The following DIPK1A variants were observed in gnomAD, a reference collection of about 807,000 sequenced individuals.
The protein encoded by DIPK1A is family with sequence similarity 69 member A.
In DIPK1A, 27 loss-of-function variants were observed where a neutral mutation model predicts 40.8. The ratio of observed to expected loss-of-function variants is 0.66; its 90% CI spans 0.49 to 0.91. The LOEUF (loss-of-function observed/expected upper bound fraction) is 0.91, where lower values mean the gene tolerates loss of function less well. DIPK1A is among the 40% of genes least tolerant of loss of function. DIPK1A has a pLI of 0.00. For synonymous variants in DIPK1A, 166 were observed against 171.3 expected (o/e 0.97, Z 0.24); for missense variants, 412 against 505.7 (o/e 0.81, Z 1.78).
At chr1:92,952,638 C>T (rs1651677857) in intron 1 of DIPK1A, among the ~76,000 whole-genome samples, 1 of 152,092 alleles carries the variant, frequency 6.6e-6, no homozygotes, top group South Asian at 2.1e-4. Flanking sequence ...AAAAACACTA[C>T]AGTTTATATT....
At chr1:92,926,793 T>C (rs908414742) in intron 1 of DIPK1A, among the ~76,000 whole-genome samples, 13 of 152,254 alleles carry the variant, frequency 8.5e-5, no homozygotes, top group African/African-American at 3.1e-4. Context: ...AGTCCATCTT[T>C]TCCATTATTA....
intron 3 of DIPK1A, among the ~76,000 whole-genome samples, chr1:92,849,737 T>G (rs1296695654): frequency 2.0e-5 from 3 of 152,052 alleles, no homozygotes; most frequent in African/African-American, 7.2e-5. Context: ...TGGTCTTGAA[T>G]GCCTGGCCTC....
intron 1 of DIPK1A, among the ~76,000 whole-genome samples, chr1:92,961,072 G>A (rs1652060478): frequency 6.6e-6 from 1 of 152,142 alleles, no homozygotes; most frequent in South Asian, 2.1e-4. Flanking sequence ...GGAGCGCGGG[G>A]TCGTACCCAG....
intron 1 of DIPK1A, among the ~76,000 whole-genome samples, chr1:92,950,273 G>A (rs1410906141): frequency 6.6e-6 from 1 of 152,182 alleles, no homozygotes; most frequent in Non-Finnish European, 1.5e-5. Context: ...ACATGAGAGA[G>A]AGCATGTTGT....
At chr1:92,859,408 C>G (rs919282405) in intron 2 of DIPK1A, among the ~76,000 whole-genome samples, 1 of 151,988 alleles carries the variant, frequency 6.6e-6, no homozygotes, top group African/African-American at 2.4e-5. Context: ...TCTCTCTCCC[C>G]CCTGCCCGCA....
At chr1:92,926,246 C>A (rs1650501812) in intron 1 of DIPK1A, among the ~76,000 whole-genome samples, 1 of 152,146 alleles carries the variant, frequency 6.6e-6, no homozygotes, top group African/African-American at 2.4e-5. Flanking sequence ...AATGCTAACA[C>A]ATTTTTTATT....
At chr1:92,948,009 C>G (rs1651441435) in intron 1 of DIPK1A, among the ~76,000 whole-genome samples, 2 of 152,104 alleles carry the variant, frequency 1.3e-5, no homozygotes, top group Admixed American at 6.5e-5. Flanking sequence ...CTCTAGTTAA[C>G]AATAATTTAT....
At chr1:92,846,149 G>A (rs1687592756) in intron 4 of DIPK1A, 2 of 153,980 alleles carry the variant, frequency 1.3e-5, no homozygotes, top group Admixed American at 1.3e-4. Flanking sequence ...CCCAGGCCCT[G>A]CGCCTTGTCT....
rs1476387855 is a variant in DIPK1A, at chr1:92,846,858, T to C, written c.474+325A>G. 4.1e-4 allele frequency among the ~76,000 whole-genome samples: 2 copies of C among 4,820 alleles called. 1 individual carries two copies. Among genetic ancestry groups the C allele is most frequent in the African/African-American group, 3.3e-3 (2 of 606 alleles). 3.2% of individuals were successfully genotyped at this position (4,820 alleles called of 152,430 possible). ...ATATATATATGTGTGTATATATATATGTGTGTATATATATATATATATATA... is the reference window on the plus strand; with the variant it reads ...ATATATATATGTGTGTATATATATACGTGTGTATATATATATATATATATA... On this transcript the variant is annotated intron_variant, in intron 4 of 4. Coordinates refer to ENST00000370310, the MANE Select transcript of DIPK1A (RefSeq NM_001006605.5).
At chr1:92,961,323 G>A (rs1173454267) in intron 1 of DIPK1A, 53 bp downstream of exon 1, 37 of 1,382,822 alleles carry the variant, frequency 2.7e-5, no homozygotes, top group Non-Finnish European at 3.5e-5. Context: ...CGGCGCGGCA[G>A]GGCACACGGC....
intron 1 of DIPK1A, among the ~76,000 whole-genome samples, chr1:92,879,807 A>G (rs1252903930): frequency 6.6e-6 from 1 of 152,204 alleles, no homozygotes; most frequent in African/African-American, 2.4e-5. Context: ...TTCTGTACCA[A>G]TTACCTAGAT....
intron 2 of DIPK1A, among the ~76,000 whole-genome samples, chr1:92,874,131 T>A (rs1211094104): frequency 6.6e-6 from 1 of 152,216 alleles, no homozygotes; most frequent in Non-Finnish European, 1.5e-5. Flanking sequence ...TAAATTATGC[T>A]AGAATTATGT....
intron 2 of DIPK1A, among the ~76,000 whole-genome samples, chr1:92,856,692 C>T (rs918796317): frequency 2.0e-5 from 3 of 152,150 alleles, no homozygotes; most frequent in Non-Finnish European, 4.4e-5. Flanking sequence ...GCTGGGATTA[C>T]AGGCGTGAAC....
intron 1 of DIPK1A, among the ~76,000 whole-genome samples, chr1:92,920,092 T>A (rs992979620): frequency 6.6e-6 from 1 of 152,166 alleles, no homozygotes; most frequent in African/African-American, 2.4e-5. Flanking sequence ...AATCAACTCA[T>A]AGTTTAGATG....
chr1:92,837,186 G>A, downstream of DIPK1A: 1 of 602,806 alleles, frequency 1.7e-6, no homozygotes, highest in Non-Finnish European at 3.1e-6. Context: ...CTGTGCTGAT[G>A]TGCTGGATGA....
At position 92,896,232 on chromosome 1, in the gene DIPK1A, TC is replaced by T; in HGVS notation, c.55-19803del. Among the ~76,000 whole-genome samples the T allele has an allele frequency of 3.3e-5, 5 of 152,316 alleles. No individual in the cohort carries two copies. The South Asian group carries it at 1.0e-3, about 32-fold the overall frequency. On this transcript the variant is annotated intron_variant, in intron 1 of 4. Coordinates refer to ENST00000370310, the MANE Select transcript of DIPK1A (RefSeq NM_001006605.5). ...AGCCAAAAGAACAAAGCTGGAGGCATCTCACTACCTGACTTCAAACTATACT... is the reference window on the plus strand; with the variant it reads ...AGCCAAAAGAACAAAGCTGGAGGCATTCACTACCTGACTTCAAACTATACT...
rs537700200 is a variant in DIPK1A, at chr1:92,904,873, T to C, written c.55-28443A>G. Reference sequence around the variant, plus strand: ...TTACAAGTTCGATTGTTTTAATTTTTAGCTCTCACAAATAAGTGAGAACAT... The same window carrying C: ...TTACAAGTTCGATTGTTTTAATTTTCAGCTCTCACAAATAAGTGAGAACAT... On this transcript the variant is annotated intron_variant, in intron 1 of 4. Transcript: ENST00000370310. Among the ~76,000 whole-genome samples, 33 of 152,306 alleles carry C rather than the reference T, an allele frequency of 2.2e-4. No individual in the cohort carries two copies. In the East Asian group the frequency reaches 6.4e-3, roughly 29 times the overall value.
intron 1 of DIPK1A, among the ~76,000 whole-genome samples, chr1:92,934,989 A>G: frequency 6.6e-6 from 1 of 152,208 alleles, no homozygotes; most frequent in East Asian, 1.9e-4. Context: ...TCTGACAACA[A>G]ATGTGCTCTG....
At chr1:92,935,405 A>G (rs1571139480) in intron 1 of DIPK1A, among the ~76,000 whole-genome samples, 1 of 152,372 alleles carries the variant, frequency 6.6e-6, no homozygotes, top group East Asian at 1.9e-4. Context: ...CACCAAAATA[A>G]AATGAGATTA....
Sources: gnomAD v4.1 joint callset for allele counts (sites outside exome capture counted in the v4.1 genomes callset) on GRCh38, gnomAD v4.1.1 for gene constraint, MANE v1.5 for transcripts, NCBI Gene and HGNC (gene_info 2026-07-23, HGNC 2026-07-21) for gene names.